Variants in USP34 observed in about 807,000 individuals in gnomAD.
USP34 encodes the protein ubiquitin specific peptidase 34.
USP34 carries 70 observed loss-of-function variants against 460.3 expected under a neutral mutation model. That is an observed-to-expected ratio of 0.15 (90% CI 0.13 to 0.19). The LOEUF (loss-of-function observed/expected upper bound fraction) is 0.19. USP34 is among the 10% of genes least tolerant of loss of function. The probability of loss-of-function intolerance (pLI) is 1.00; values close to 1 mark genes in which losing one functional copy is unlikely to be tolerated. For synonymous variants in USP34, 1,647 were observed against 1,405.3 expected (o/e 1.17, Z -3.85); for missense variants, 3,985 against 4,236.2 (o/e 0.94, Z 1.65).
chr2:61,455,107 C>A (rs1695398061), intron 1 of USP34, among the ~76,000 whole-genome samples: 2 of 152,004 alleles, frequency 1.3e-5, no homozygotes, highest in South Asian at 4.1e-4. Flanking sequence ...GTATTGAACT[C>A]CTGACCTGTG....
intron 21 of USP34, among the ~76,000 whole-genome samples, chr2:61,323,713 T>C (rs950203059): frequency 3.9e-5 from 6 of 152,302 alleles, no homozygotes; most frequent in African/African-American, 1.2e-4. Flanking sequence ...TCAGAGAATC[T>C]ATACTGTGTA....
At chr2:61,210,064 G>T (rs1687232116) in intron 69 of USP34, among the ~76,000 whole-genome samples, 1 of 152,080 alleles carries the variant, frequency 6.6e-6, no homozygotes, top group Non-Finnish European at 1.5e-5. Flanking sequence ...GAATCAAGAA[G>T]TTAAAAAAAC....
chr2:61,424,839 AT>A (rs975546103), intron 1 of USP34, among the ~76,000 whole-genome samples: 7 of 152,018 alleles, frequency 4.6e-5, no homozygotes, highest in African/African-American at 1.7e-4. Context: ...AAGCCACTGA[AT>A]TTTTTTTGAG....
At chr2:61,405,055 G>A (rs890045294) in intron 3 of USP34, among the ~76,000 whole-genome samples, 20 of 151,502 alleles carry the variant, frequency 1.3e-4, no homozygotes, top group Admixed American at 7.9e-4. Context: ...GTGAAACCCC[G>A]TCTCTACTAA....
intron 43 of USP34, 88 bp from the exon 44 acceptor site, chr2:61,259,864 C>T: frequency 1.7e-6 from 2 of 1,175,444 alleles, no homozygotes; most frequent in Non-Finnish European, 2.4e-6. Flanking sequence ...GCAATGTACA[C>T]TGTATCTGTT....
At chr2:61,338,702 G>C (rs1691500142) in intron 18 of USP34, among the ~76,000 whole-genome samples, 1 of 151,922 alleles carries the variant, frequency 6.6e-6, no homozygotes, top group Non-Finnish European at 1.5e-5. Flanking sequence ...GAAGAACACT[G>C]AAAACCAAGA....
At chr2:61,308,365 A>T (rs1264742627) in intron 27 of USP34, among the ~76,000 whole-genome samples, 1 of 152,176 alleles carries the variant, frequency 6.6e-6, no homozygotes, top group Non-Finnish European at 1.5e-5. Flanking sequence ...TATTAAAAGC[A>T]TGACAGTAGA....
chr2:61,409,838 G>T (rs1042611703), intron 2 of USP34, among the ~76,000 whole-genome samples: 1 of 152,114 alleles, frequency 6.6e-6, no homozygotes, highest in African/African-American at 2.4e-5. Flanking sequence ...GAAGAAACTG[G>T]GTCTGGGTCC....
At chr2:61,426,835 C>T (rs1201936261) in intron 1 of USP34, among the ~76,000 whole-genome samples, 2 of 152,182 alleles carry the variant, frequency 1.3e-5, no homozygotes. Context: ...TCACTCCAAC[C>T]CCAGCTTTAG....
At chr2:61,283,016 G>T in intron 37 of USP34, 129 bp downstream of exon 37, 2 of 911,330 alleles carry the variant, frequency 2.2e-6, no homozygotes, top group Non-Finnish European at 3.3e-6. Flanking sequence ...GACCTTAAAG[G>T]ATTAAGCAGA....
chr2:61,430,777 G>A (rs1457020717), intron 1 of USP34, among the ~76,000 whole-genome samples: 1 of 152,132 alleles, frequency 6.6e-6, no homozygotes, highest in African/African-American at 2.4e-5. Flanking sequence ...ACTCTTGGGA[G>A]ACCGAGGCAA....
chr2:61,191,020 A>C (rs1301630930), intron 76 of USP34: 1 of 173,272 alleles, frequency 5.8e-6, no homozygotes, highest in African/African-American at 2.4e-5. Flanking sequence ...GGGCCAAATT[A>C]ATGTATTTAT....
In USP34 at chr2:61,211,877, T is replaced by C. The variant is rs201703877; in HGVS notation, c.8735A>G (p.Asp2912Gly). 1.9e-6 allele frequency: 3 copies of C among 1,610,154 alleles called. No individual in the cohort carries two copies. In the East Asian group the frequency reaches 6.7e-5, roughly 36 times the overall value. Residue 2912 changes from aspartate (D) to glycine (G), a missense_variant, in exon 69 of 80, where the codon GAT (aspartate) becomes GGT (glycine). This residue lies in a region of USP34 where 275 missense variants were observed against 292.7 expected (regional missense o/e 0.94). Coordinates refer to ENST00000398571, the MANE Select transcript of USP34 (RefSeq NM_014709.4). The part of the protein sequence containing the change: ...LMQLFIAQRP[D>G]MREEELEDIK... ...ATCTTCTAATTCTTCTTCTCTCATA[T>C]CTGGCCTCTGAGCTATAAACAGCTG... is the stretch of plus-strand genomic sequence containing the variant.
intron 19 of USP34, 40 bp downstream of exon 19, chr2:61,333,842 A>C: frequency 7.3e-7 from 1 of 1,368,716 alleles, no homozygotes; most frequent in African/African-American, 1.5e-5. Flanking sequence ...AATTAGAAAA[A>C]AATCTTTAAA....
intron 8 of USP34, among the ~76,000 whole-genome samples, chr2:61,375,723 C>T (rs561632707): frequency 2.8e-5 from 4 of 141,488 alleles, no homozygotes; most frequent in East Asian, 4.2e-4. Context: ...GAGCCAAGAT[C>T]GCGCCACTGC....
intron 5 of USP34, among the ~76,000 whole-genome samples, chr2:61,394,533 C>CAAAAAAAAAAAAAAAAAAAAAA (rs200686763): frequency 9.1e-6 from 1 of 110,060 alleles, no homozygotes; most frequent in African/African-American, 3.6e-5. Context: ...CCCTCTCTCT[C>CAAAAAAAAAAAAAAAAAAAAAA]AAAAAAAAAA....
chr2:61,196,439 G>C (rs753155257), intron 75 of USP34, among the ~76,000 whole-genome samples: 1 of 151,858 alleles, frequency 6.6e-6, no homozygotes, highest in Non-Finnish European at 1.5e-5. Context: ...TGCCCAAGCT[G>C]ATCTCCCATT....
chr2:61,187,836 C>T lies in USP34; in HGVS notation c.*266G>A. ...AGGCAACCCTGTTCTTCCCAGACAGCCATATTAAATGAAAGCCACTAAAGT... is the reference window on the plus strand; with the variant it reads ...AGGCAACCCTGTTCTTCCCAGACAGTCATATTAAATGAAAGCCACTAAAGT... On this transcript the variant is annotated 3_prime_UTR_variant, in exon 80 of 80. Transcript: ENST00000398571. The T allele has an allele frequency of 2.6e-6, 3 of 1,171,408 alleles. No individual in the cohort carries two copies. Among genetic ancestry groups the T allele is most frequent in the Admixed American group, 4.1e-5 (1 of 24,544 alleles). 72.6% of individuals were successfully genotyped at this position (1,171,408 alleles called of 1,614,324 possible).
chr2:61,421,293 T>C (rs901304997), intron 1 of USP34, among the ~76,000 whole-genome samples: 2 of 152,158 alleles, frequency 1.3e-5, no homozygotes, highest in African/African-American at 2.4e-5. Context: ...ACCAGTCTCA[T>C]GGTACTCCTC....
Sources: allele counts gnomAD v4.1 joint callset (sites outside exome capture counted in the v4.1 genomes callset), GRCh38; gene constraint gnomAD v4.1.1; regional missense constraint gnomAD v4.1.1; transcripts MANE v1.5; gene names NCBI Gene and HGNC (gene_info 2026-07-23, HGNC 2026-07-21).